Variants in ADAMTSL1 observed in about 807,000 individuals in gnomAD.
The protein encoded by ADAMTSL1 is ADAMTS like 1, also known as ADAMTS-like protein 1.
In ADAMTSL1, 126 loss-of-function variants were observed where a neutral mutation model predicts 201.8. The observed-to-expected ratio is 0.62, with a 90% CI of 0.54 to 0.72. The LOEUF (loss-of-function observed/expected upper bound fraction) is 0.72. Ranked by LOEUF, ADAMTSL1 falls within the 30% of genes least tolerant of loss-of-function variation. The pLI is 0.00. For synonymous variants in ADAMTSL1, 1,121 were observed against 903.4 expected, an observed-to-expected ratio of 1.24 and a Z score of -4.32; for missense variants, 2,679 against 2,277.8, an observed-to-expected ratio of 1.18 and a Z score of -3.59.
chr9:18,760,958 A>C (rs1324009344), intron 16 of ADAMTSL1, among the ~76,000 whole-genome samples: 1 of 152,232 alleles, frequency 6.6e-6, no homozygotes, highest in Non-Finnish European at 1.5e-5. Context: ...TTGTATAGTA[A>C]GTTTTTCTCC....
chr9:17,927,655 G>A lies in ADAMTSL1; in HGVS notation c.87+20733G>A, dbSNP rs575852731. Among the ~76,000 whole-genome samples the A allele has an allele frequency of 7.8e-4, 119 of 152,058 alleles. 1 individual carries two copies. Among genetic ancestry groups the A allele is most frequent in the African/African-American group, 2.7e-3 (112 of 41,464 alleles). ...TTGTCATTACTCCCTAAACAATACT[G>A]TATAACAACATATTTACATAGCTTT... On this transcript the variant is annotated intron_variant, in intron 1 of 29. Transcript: ENST00000680146.
At chr9:18,299,788 A>C (rs1215043591) in intron 2 of ADAMTSL1, among the ~76,000 whole-genome samples, 4 of 152,242 alleles carry the variant, frequency 2.6e-5, no homozygotes, top group African/African-American at 9.6e-5. Flanking sequence ...GAAGACTAAT[A>C]GAAATCTGGA....
chr9:18,841,589 T>C (rs936883847), intron 23 of ADAMTSL1, among the ~76,000 whole-genome samples: 5 of 152,200 alleles, frequency 3.3e-5, no homozygotes, highest in African/African-American at 1.2e-4. Context: ...TTTCTATTGA[T>C]TGGAATAGTT....
chr9:18,562,649 C>T (rs1210850101), intron 3 of ADAMTSL1, among the ~76,000 whole-genome samples: 3 of 152,168 alleles, frequency 2.0e-5, no homozygotes, highest in Non-Finnish European at 2.9e-5. Flanking sequence ...CTTTCAGGTA[C>T]ACCAGTCAAA....
chr9:18,187,069 C>G (rs959473325), intron 2 of ADAMTSL1, among the ~76,000 whole-genome samples: 1 of 152,120 alleles, frequency 6.6e-6, no homozygotes. Flanking sequence ...TTCTGGGTCA[C>G]CATGCTGCAT....
At chr9:18,621,788 C>T (rs1000934929) in intron 4 of ADAMTSL1, among the ~76,000 whole-genome samples, 48 of 152,132 alleles carry the variant, frequency 3.2e-4, no homozygotes, top group African/African-American at 1.0e-3. Flanking sequence ...ACGCAGCATA[C>T]GTTCTAACGA....
intron 1 of ADAMTSL1, among the ~76,000 whole-genome samples, chr9:18,050,832 T>G (rs1821899207): frequency 6.6e-6 from 1 of 152,140 alleles, no homozygotes; most frequent in African/African-American, 2.4e-5. Flanking sequence ...CATGTTTCCA[T>G]GTCAAAAAGC....
chr9:18,024,950 A>G lies in ADAMTSL1; in HGVS notation c.87+118028A>G, dbSNP rs563817784. On this transcript the variant is annotated intron_variant, in intron 1 of 29. Transcript: ENST00000680146. ...TTTGTCATTCTTTGATTTCTTAACA[A>G]TAGCCATTCTGACTGCTGTTAAGAT... Among the ~76,000 whole-genome samples, 11 of 152,194 alleles carry G rather than the reference A, an allele frequency of 7.2e-5. No homozygotes were observed. In the East Asian group the frequency reaches 1.7e-3, roughly 24 times the overall value.
intron 2 of ADAMTSL1, among the ~76,000 whole-genome samples, chr9:18,383,170 G>T (rs776214537): frequency 6.6e-5 from 10 of 152,114 alleles, no homozygotes; most frequent in Non-Finnish European, 1.3e-4. Flanking sequence ...GTGGGGTTTT[G>T]TGAGGGAAGG....
At chr9:18,881,212 A>G (rs1201282966) in intron 23 of ADAMTSL1, among the ~76,000 whole-genome samples, 1 of 152,154 alleles carries the variant, frequency 6.6e-6, no homozygotes, top group Non-Finnish European at 1.5e-5. Flanking sequence ...TAGCTCTTCT[A>G]ATGTTCTTCA....
intron 1 of ADAMTSL1, among the ~76,000 whole-genome samples, chr9:17,948,614 C>T (rs1827606421): frequency 6.6e-6 from 1 of 152,140 alleles, no homozygotes; most frequent in African/African-American, 2.4e-5. Flanking sequence ...CTAGATTTAA[C>T]CACGTGTTAC....
chr9:18,830,432 A>G (rs766108913), intron 23 of ADAMTSL1, among the ~76,000 whole-genome samples: 5 of 152,234 alleles, frequency 3.3e-5, no homozygotes, highest in African/African-American at 4.8e-5. Context: ...AAGGAAGACT[A>G]TACTATTTAG....
At chr9:18,023,195 C>G (rs1410988709) in intron 1 of ADAMTSL1, among the ~76,000 whole-genome samples, 2 of 152,076 alleles carry the variant, frequency 1.3e-5, no homozygotes, top group South Asian at 4.1e-4. Context: ...AACAATGACT[C>G]AAATTGTGGG....
chr9:18,356,870 T>C (rs1412034997), intron 2 of ADAMTSL1, among the ~76,000 whole-genome samples: 2 of 148,234 alleles, frequency 1.3e-5, no homozygotes, highest in Non-Finnish European at 3.0e-5. Context: ...ACTTTTCACA[T>C]ACCACACACA....
intron 1 of ADAMTSL1, among the ~76,000 whole-genome samples, chr9:18,498,324 G>A (rs1294003552): frequency 1.3e-5 from 2 of 149,118 alleles, no homozygotes; most frequent in Non-Finnish European, 3.0e-5. Flanking sequence ...AAGTATCAAT[G>A]TTCCCCCCAC....
At chr9:18,001,698 G>C (rs1012368310) in intron 1 of ADAMTSL1, among the ~76,000 whole-genome samples, 1 of 151,978 alleles carries the variant, frequency 6.6e-6, no homozygotes, top group Non-Finnish European at 1.5e-5. Context: ...TGCATATGTT[G>C]AAGAACCATG....
At chr9:18,492,826 G>C (rs1014734884) in intron 1 of ADAMTSL1, among the ~76,000 whole-genome samples, 2 of 152,212 alleles carry the variant, frequency 1.3e-5, no homozygotes, top group African/African-American at 4.8e-5. Context: ...GAACTAAGTT[G>C]CCTAAAATAC....
intron 2 of ADAMTSL1, among the ~76,000 whole-genome samples, chr9:18,236,658 C>G (rs1175045981): frequency 2.6e-5 from 4 of 152,126 alleles, no homozygotes; most frequent in African/African-American, 9.7e-5. Flanking sequence ...AATTCAGTAT[C>G]TATTGATACA....
intron 1 of ADAMTSL1, among the ~76,000 whole-genome samples, chr9:17,926,886 T>A (rs976691866): frequency 6.6e-6 from 1 of 152,216 alleles, no homozygotes; most frequent in Non-Finnish European, 1.5e-5. Flanking sequence ...AAAATTATTT[T>A]AAAACTTATG....
Sources: allele counts gnomAD v4.1 joint callset (sites outside exome capture counted in the v4.1 genomes callset), GRCh38; gene constraint gnomAD v4.1.1; transcripts MANE v1.5; gene names NCBI Gene and HGNC (gene_info 2026-07-23, HGNC 2026-07-21).